The following CHRM3 variants were observed in gnomAD, a reference collection of about 807,000 sequenced individuals.
CHRM3 encodes cholinergic receptor muscarinic 3.
CHRM3 carries 11 observed loss-of-function variants against 41.8 expected under a neutral mutation model. That is an observed-to-expected ratio of 0.26 (90% confidence interval 0.17 to 0.44). The LOEUF (loss-of-function observed/expected upper bound fraction) is 0.44, where lower values mean the gene tolerates loss of function less well. CHRM3 is among the 20% of genes least tolerant of loss of function. The pLI, the probability that CHRM3 is intolerant of heterozygous loss-of-function variation, is 1.00. For missense variants in CHRM3, 571 were observed against 745.4 expected (o/e 0.77, Z 2.72); for synonymous variants, 297 against 301.4 (o/e 0.99, Z 0.15).
intron 3 of CHRM3, among the ~76,000 whole-genome samples, chr1:239,602,168 T>C (rs1401135759): frequency 6.7e-6 from 1 of 149,838 alleles, no homozygotes; most frequent in Non-Finnish European, 1.5e-5. Flanking sequence ...ACAGTTTCGC[T>C]CTGTCTCCCA....
chr1:239,411,818 G>A (rs543928757), intron 1 of CHRM3, among the ~76,000 whole-genome samples: 22 of 146,966 alleles, frequency 1.5e-4, no homozygotes, highest in East Asian at 1.4e-3. Flanking sequence ...GGAAAGTAAC[G>A]TAATTCTCAA....
intron 6 of CHRM3, among the ~76,000 whole-genome samples, chr1:239,838,875 A>G (rs2149143987): frequency 6.6e-6 from 1 of 152,360 alleles, no homozygotes; most frequent in South Asian, 2.1e-4. Context: ...TCTGAAAAAT[A>G]CAGATAAATA....
intron 2 of CHRM3, among the ~76,000 whole-genome samples, chr1:239,501,838 G>C (rs928249696): frequency 1.3e-5 from 2 of 152,190 alleles, no homozygotes; most frequent in East Asian, 3.9e-4. Flanking sequence ...CTGGGCGACA[G>C]AGCAAGACTC....
At chr1:239,643,392 A>T (rs1361749269) in intron 4 of CHRM3, among the ~76,000 whole-genome samples, 1 of 152,208 alleles carries the variant, frequency 6.6e-6, no homozygotes, top group African/African-American at 2.4e-5. Flanking sequence ...AGAGGCAGGC[A>T]GGCCTCCTTG....
At chr1:239,863,329 T>C (rs1180567768) in intron 6 of CHRM3, among the ~76,000 whole-genome samples, 1 of 152,192 alleles carries the variant, frequency 6.6e-6, no homozygotes, top group Non-Finnish European at 1.5e-5. Flanking sequence ...AAGGACTCTG[T>C]ACCAACAGTG....
chr1:239,822,476 T>C (rs1323883164), intron 5 of CHRM3, among the ~76,000 whole-genome samples: 1 of 152,214 alleles, frequency 6.6e-6, no homozygotes, highest in Non-Finnish European at 1.5e-5. Flanking sequence ...TAATGATTTA[T>C]CTAGCATGAA....
chr1:239,739,558 C>T (rs1174751290), intron 5 of CHRM3, among the ~76,000 whole-genome samples: 1 of 152,120 alleles, frequency 6.6e-6, no homozygotes, highest in African/African-American at 2.4e-5. Context: ...CCCACCCACT[C>T]TTGGAACTGG....
At chr1:239,609,383 G>T (rs1396720641) in intron 3 of CHRM3, among the ~76,000 whole-genome samples, 5 of 152,062 alleles carry the variant, frequency 3.3e-5, no homozygotes, top group African/African-American at 1.2e-4. Flanking sequence ...GCCACTATTT[G>T]TTTATCCAGT....
intron 4 of CHRM3, among the ~76,000 whole-genome samples, chr1:239,641,325 A>C (rs1484638797): frequency 1.3e-5 from 2 of 151,144 alleles, no homozygotes; most frequent in Non-Finnish European, 2.9e-5. Context: ...ATCCTTGTTA[A>C]CTTTCTGTCT....
At chr1:239,478,919 A>T (rs751411267) in intron 1 of CHRM3, among the ~76,000 whole-genome samples, 1 of 152,146 alleles carries the variant, frequency 6.6e-6, no homozygotes, top group Non-Finnish European at 1.5e-5. Flanking sequence ...ATGCTGGCTC[A>T]TGAATGTAAT....
chr1:239,474,615 CAAAT>C (rs1183099707), intron 1 of CHRM3, among the ~76,000 whole-genome samples: 2 of 151,850 alleles, frequency 1.3e-5, no homozygotes, highest in Admixed American at 6.6e-5. Flanking sequence ...TATAATGAGA[CAAAT>C]AATCAAAAAA....
intron 5 of CHRM3, among the ~76,000 whole-genome samples, chr1:239,797,324 C>A (rs1185166304): frequency 6.6e-6 from 1 of 151,658 alleles, no homozygotes; most frequent in Non-Finnish European, 1.5e-5. Flanking sequence ...AGGTAGCAAA[C>A]CTGCACATGT....
intron 2 of CHRM3, among the ~76,000 whole-genome samples, chr1:239,521,560 G>A (rs1286147391): frequency 2.0e-5 from 3 of 152,072 alleles, no homozygotes; most frequent in African/African-American, 7.2e-5. Flanking sequence ...AATATTTCAA[G>A]TGATTCCTGA....
chr1:239,720,907 G>T (rs1662904268), intron 5 of CHRM3, among the ~76,000 whole-genome samples: 1 of 151,868 alleles, frequency 6.6e-6, no homozygotes, highest in African/African-American at 2.4e-5. Context: ...GAAATATTTT[G>T]TTGAGAGGCA....
At chr1:239,698,464 C>T (rs929569058) in intron 5 of CHRM3, among the ~76,000 whole-genome samples, 5 of 152,170 alleles carry the variant, frequency 3.3e-5, no homozygotes, top group Admixed American at 6.5e-5. Flanking sequence ...TCTTGACATT[C>T]TAGAATTCTA....
chr1:239,429,832 A>T (rs1662683263), intron 1 of CHRM3, among the ~76,000 whole-genome samples: 2 of 143,922 alleles, frequency 1.4e-5, no homozygotes, highest in African/African-American at 2.6e-5. Context: ...TAATTCATTT[A>T]AGTTTTCTTA....
chr1:239,623,712 T>C (rs1355338104), intron 3 of CHRM3, among the ~76,000 whole-genome samples: 1 of 64,392 alleles, frequency 1.6e-5, no homozygotes, highest in Non-Finnish European at 3.0e-5. Flanking sequence ...TGTGATCTCA[T>C]TGTTCAATTC....
chr1:239,654,199 G>A (rs1383890917), intron 4 of CHRM3, among the ~76,000 whole-genome samples: 1 of 151,898 alleles, frequency 6.6e-6, no homozygotes, highest in Non-Finnish European at 1.5e-5. Flanking sequence ...CAAATTCCTG[G>A]GTTTAAGCAA....
At chr1:239,564,606 G>A (rs544100699) in intron 3 of CHRM3, among the ~76,000 whole-genome samples, 1 of 152,122 alleles carries the variant, frequency 6.6e-6, no homozygotes, top group African/African-American at 2.4e-5. Context: ...CTGTCTCGTG[G>A]TTATTAATAG....
Sources: allele counts gnomAD v4.1 joint callset (sites outside exome capture counted in the v4.1 genomes callset), GRCh38; gene constraint gnomAD v4.1.1; transcripts MANE v1.5; gene names NCBI Gene and HGNC (gene_info 2026-07-23, HGNC 2026-07-21).